HOPX: variants seen among roughly 807,000 people sequenced by gnomAD.
HOPX encodes homeodomain-only protein.
HOPX carries 5 observed loss-of-function variants against 11.8 expected under a neutral mutation model. The ratio of observed to expected loss-of-function variants is 0.43; its 90% CI spans 0.22 to 0.89. The LOEUF (loss-of-function observed/expected upper bound fraction) is 0.89, where lower values mean the gene tolerates loss of function less well. Among genes scored for constraint, HOPX ranks in the 40% least tolerant of loss-of-function variants. HOPX has a pLI of 0.28. For synonymous variants in HOPX, 49 were observed against 49.7 expected (o/e 0.99, Z 0.06); for missense variants, 119 against 120.0 (o/e 0.99, Z 0.04).
chr4:56,658,577 T>G (rs913038640), intron 1 of HOPX, among the ~76,000 whole-genome samples: 1 of 152,230 alleles, frequency 6.6e-6, no homozygotes, highest in Non-Finnish European at 1.5e-5. Context: ...GCTTGACAAA[T>G]GTTTGCTGTT....
intron 3 of HOPX, among the ~76,000 whole-genome samples, chr4:56,652,643 TACAA>T (rs1485758831): frequency 6.6e-6 from 1 of 152,102 alleles, no homozygotes; most frequent in Admixed American, 6.5e-5. Context: ...CCCCCATCTC[TACAA>T]ACAATTTAAA....
chr4:56,664,770 C>G (rs1718343246), intron 1 of HOPX: 1 of 152,148 alleles, frequency 6.6e-6, no homozygotes, highest in African/African-American at 2.4e-5. Context: ...ATAATTATTT[C>G]TCTGCTCCTT....
chr4:56,663,359 T>G (rs1718257951), intron 1 of HOPX: 1 of 152,222 alleles, frequency 6.6e-6, no homozygotes, highest in Admixed American at 6.5e-5. Context: ...CTCTTATTCC[T>G]GCAAGTTTTG....
At chr4:56,658,942 C>A (rs58039421) in intron 1 of HOPX, among the ~76,000 whole-genome samples, 23,417 of 152,230 alleles carry the variant, frequency 0.15, 2,772 homozygotes, top group African/African-American at 0.32. Flanking sequence ...AATTCCAATG[C>A]TTGGGGTAGA....
chr4:56,660,595 C>G (rs1258395923), intron 1 of HOPX, among the ~76,000 whole-genome samples: 1 of 152,012 alleles, frequency 6.6e-6, no homozygotes, highest in Non-Finnish European at 1.5e-5. Context: ...ATAACAATGT[C>G]CTCAATCGGA....
chr4:56,657,604 G>A (rs2109490483), intron 2 of HOPX, among the ~76,000 whole-genome samples, 171 bp downstream of exon 2: 1 of 152,254 alleles, frequency 6.6e-6, no homozygotes, highest in Non-Finnish European at 1.5e-5. Flanking sequence ...GAAATCCCAT[G>A]TTTTTAGGGG....
intron 1 of HOPX, among the ~76,000 whole-genome samples, chr4:56,662,291 T>C (rs1346817696): frequency 2.6e-5 from 4 of 152,200 alleles, no homozygotes; most frequent in Non-Finnish European, 4.4e-5. Context: ...CAATTCTCTC[T>C]TAGAAATCAG....
At chr4:56,674,935 A>G (rs1369092619) in intron 1 of HOPX, among the ~76,000 whole-genome samples, 1 of 150,256 alleles carries the variant, frequency 6.7e-6, no homozygotes, top group East Asian at 1.9e-4. Flanking sequence ...AAAAAAAAAA[A>G]ATGTAGAGAT....
At chr4:56,677,460 A>T (rs768538632) in intron 1 of HOPX, among the ~76,000 whole-genome samples, 15 of 151,754 alleles carry the variant, frequency 9.9e-5, no homozygotes, top group Non-Finnish European at 2.1e-4. Flanking sequence ...TAGATATGTT[A>T]TCTTGCTGGA....
At position 56,650,905 on chromosome 4, in the gene HOPX, C is replaced by T. The variant is rs184884222; in HGVS notation, c.199-2108G>A. The T allele has an allele frequency of 6.5e-5, 82 of 1,261,498 alleles. No homozygotes were observed. In the African/African-American group the frequency reaches 9.7e-4, roughly 15 times the overall value. The allele number at this position is 1,261,498 out of a possible 1,614,324, so 78.1% of individuals were successfully genotyped here. Reference sequence around the variant, plus strand: ...CCCATTTTCTTCTGTAACCTGTGTGCGTGTGTTTAGTTAACTCTGGATTCT... The same window carrying T: ...CCCATTTTCTTCTGTAACCTGTGTGTGTGTGTTTAGTTAACTCTGGATTCT... On this transcript the variant is annotated intron_variant, in intron 3 of 3. Transcript: ENST00000420433.
chr4:56,675,681 A>C (rs930544519), intron 1 of HOPX, among the ~76,000 whole-genome samples: 5 of 151,760 alleles, frequency 3.3e-5, no homozygotes, highest in African/African-American at 1.2e-4. Flanking sequence ...ACAGCACTGG[A>C]AGGCCAAAAA....
At chr4:56,675,568 G>A (rs1415520299) in intron 1 of HOPX, among the ~76,000 whole-genome samples, 1 of 151,648 alleles carries the variant, frequency 6.6e-6, no homozygotes, top group African/African-American at 2.4e-5. Flanking sequence ...TTCTGGGGAA[G>A]ATTGTTCAGC....
intron 1 of HOPX, among the ~76,000 whole-genome samples, chr4:56,658,798 T>G (rs1032628324): frequency 2.0e-5 from 3 of 152,252 alleles, no homozygotes; most frequent in Non-Finnish European, 2.9e-5. Flanking sequence ...TTTATTGTTG[T>G]GGCTATTCAT....
intron 1 of HOPX, among the ~76,000 whole-genome samples, chr4:56,668,009 C>T (rs1718531588): frequency 1.3e-5 from 2 of 152,170 alleles, no homozygotes; most frequent in South Asian, 4.2e-4. Context: ...ACTGCAACCT[C>T]CGCCTCCCAG....
At chr4:56,660,571 T>G (rs547277193) in intron 1 of HOPX, among the ~76,000 whole-genome samples, 267 of 152,286 alleles carry the variant, frequency 1.8e-3, no homozygotes, top group Non-Finnish European at 2.9e-3. Flanking sequence ...AAAAAAAATT[T>G]TTTTTCCCCC....
chr4:56,681,113 G>A (rs757897289), intron 1 of HOPX, 142 bp downstream of exon 1: 1 of 974,400 alleles, frequency 1.0e-6, no homozygotes, highest in Non-Finnish European at 1.2e-6. Flanking sequence ...TCTGCTTGGG[G>A]GTAAGCTTGT....
chr4:56,656,552 C>G (rs1037227108), intron 2 of HOPX: 1 of 856,278 alleles, frequency 1.2e-6, no homozygotes, highest in Admixed American at 6.2e-5. Context: ...GGGGCCCTCT[C>G]CAGGCAGGGC....
At chr4:56,669,267 T>C (rs942302755) in intron 1 of HOPX, among the ~76,000 whole-genome samples, 1 of 146,948 alleles carries the variant, frequency 6.8e-6, no homozygotes, top group African/African-American at 2.7e-5. Context: ...TAGTTTCTAC[T>C]TCAAGGGACA....
At chr4:56,671,195 G>T (rs1476836497) in intron 1 of HOPX, among the ~76,000 whole-genome samples, 1 of 151,872 alleles carries the variant, frequency 6.6e-6, no homozygotes, top group Non-Finnish European at 1.5e-5. Flanking sequence ...ATATATGCTG[G>T]GTTCTACGGT....
Sources: allele counts gnomAD v4.1 joint callset (sites outside exome capture counted in the v4.1 genomes callset), GRCh38; gene constraint gnomAD v4.1.1; transcripts MANE v1.5; gene names NCBI Gene and HGNC (gene_info 2026-07-23, HGNC 2026-07-21).